Variants in OCA2 observed in about 807,000 individuals in gnomAD.
OCA2 encodes the protein OCA2 melanosomal transmembrane protein, also known as P protein.
Under a neutral mutation model 100.2 loss-of-function variants are expected in OCA2, and 77 were observed. The observed-to-expected ratio is 0.77, with a 90% CI of 0.64 to 0.93. The LOEUF is 0.93. Ranked by LOEUF, OCA2 falls within the 40% of genes least tolerant of loss-of-function variation. OCA2 has a pLI of 0.00. For missense variants in OCA2, 1,062 were observed against 1,089.1 expected, an observed-to-expected ratio of 0.98 and a Z score of 0.35; for synonymous variants, 432 against 439.2, an observed-to-expected ratio of 0.98 and a Z score of 0.21.
chr15:27,952,126 C>G (rs931696517), intron 17 of OCA2, among the ~76,000 whole-genome samples: 1 of 152,180 alleles, frequency 6.6e-6, no homozygotes, highest in African/African-American at 2.4e-5. Flanking sequence ...GTAGCACAGC[C>G]CTGTTATGAA....
intron 14 of OCA2, among the ~76,000 whole-genome samples, chr15:27,973,811 A>G (rs1010216606): frequency 2.6e-5 from 4 of 152,244 alleles, no homozygotes; most frequent in African/African-American, 9.6e-5. Context: ...CTTCCAATCC[A>G]TAAGTATGGG....
At chr15:27,863,147 T>A (rs1455868547) in intron 21 of OCA2, among the ~76,000 whole-genome samples, 1 of 151,770 alleles carries the variant, frequency 6.6e-6, no homozygotes, top group African/African-American at 2.4e-5. Context: ...GGGGCAGAGG[T>A]GACCTAGGCA....
chr15:27,814,676 G>A (rs996131246), intron 23 of OCA2, among the ~76,000 whole-genome samples: 1 of 152,124 alleles, frequency 6.6e-6, no homozygotes, highest in African/African-American at 2.4e-5. Flanking sequence ...TCAGGAGCTC[G>A]AGACCAGCCT....
At chr15:28,000,654 A>T (rs2041897689) in intron 9 of OCA2, among the ~76,000 whole-genome samples, 1 of 152,224 alleles carries the variant, frequency 6.6e-6, no homozygotes, top group African/African-American at 2.4e-5. Context: ...AGCAAAGGAA[A>T]CAAACAACAA....
At chr15:27,775,982 A>T (rs1459321924) in intron 23 of OCA2, among the ~76,000 whole-genome samples, 1 of 152,218 alleles carries the variant, frequency 6.6e-6, no homozygotes, top group Non-Finnish European at 1.5e-5. Context: ...GTCCAGCACC[A>T]AAGTTTTGCC....
chr15:27,800,719 C>T (rs771701521), intron 23 of OCA2, among the ~76,000 whole-genome samples: 4 of 151,664 alleles, frequency 2.6e-5, no homozygotes, highest in Admixed American at 6.6e-5. Context: ...AATCTCAGCA[C>T]TTTGGGAGGC....
intron 3 of OCA2, 61 bp from the exon 4 acceptor site, chr15:28,028,120 T>C: frequency 3.2e-6 from 5 of 1,578,146 alleles, no homozygotes; most frequent in Non-Finnish European, 4.4e-6. Flanking sequence ...AAAGCAAGCT[T>C]TCCTCTGAGT....
intron 15 of OCA2, 150 bp downstream of exon 15, chr15:27,966,540 G>T: frequency 1.2e-6 from 1 of 805,548 alleles, no homozygotes; most frequent in Non-Finnish European, 2.1e-6. Context: ...CCTGAAAACA[G>T]TGTATACTAG....
the OCA2 span, among the ~76,000 whole-genome samples, chr15:27,725,892 C>T: frequency 3.3e-5 from 5 of 152,068 alleles, no homozygotes; most frequent in Non-Finnish European, 7.3e-5. Context: ...AAGCTGGGTG[C>T]GTGGAATGCA....
chr15:27,719,325 C>T, the OCA2 span, among the ~76,000 whole-genome samples: 2 of 152,200 alleles, frequency 1.3e-5, no homozygotes, highest in African/African-American at 4.8e-5. Context: ...CTCTCTCTCT[C>T]TTCCTAAAAG....
chr15:27,788,317 G>C (rs2032917283), intron 23 of OCA2, among the ~76,000 whole-genome samples: 1 of 151,968 alleles, frequency 6.6e-6, no homozygotes, highest in South Asian at 2.1e-4. Context: ...ATTAAGAAGA[G>C]GTTATTAAAG....
Position 27,824,578 on chromosome 15 carries a change from T to TTCTCTCTCTCTCTCTCTCTCTC in OCA2, c.2432+20359_2432+20380dup, listed in dbSNP as rs368293640. Among the ~76,000 whole-genome samples the TTCTCTCTCTCTCTCTCTCTCTC allele has an allele frequency of 2.8e-3, 152 of 53,544 alleles. 15 individuals are homozygous for TTCTCTCTCTCTCTCTCTCTCTC. In the East Asian group the frequency reaches 0.03, roughly 11 times the overall value. The allele number at this position is 53,544 out of a possible 152,430, so 35.1% of individuals were successfully genotyped here. A position where few individuals can be genotyped will look rare whatever the true frequency, so the allele number is the denominator to read the frequency against. ...CTAATTTCTTTTGAATAAATACAATTTCTCTCTCTCTCTCTCTCTCTCTCT... is the reference window on the plus strand; with the variant it reads ...CTAATTTCTTTTGAATAAATACAATTTCTCTCTCTCTCTCTCTCTCTCTCTCTCTCTCTCTCTCTCTCTCTCT... On this transcript the variant is annotated intron_variant, in intron 23 of 23. Transcript: ENST00000354638.
chr15:27,937,915 G>C (rs1276823600), intron 18 of OCA2, among the ~76,000 whole-genome samples: 1 of 152,104 alleles, frequency 6.6e-6, no homozygotes, highest in Admixed American at 6.5e-5. Flanking sequence ...CTAATTTTAA[G>C]ATAGTCAAAG....
At chr15:27,886,843 A>C (rs2037241959) in intron 19 of OCA2, among the ~76,000 whole-genome samples, 1 of 152,212 alleles carries the variant, frequency 6.6e-6, no homozygotes, top group Non-Finnish European at 1.5e-5. Flanking sequence ...AGAGGCAACT[A>C]AAGGAGAATT....
intron 2 of OCA2, among the ~76,000 whole-genome samples, chr15:28,035,305 A>T (rs1354311209): frequency 2.6e-5 from 4 of 152,186 alleles, no homozygotes; most frequent in Non-Finnish European, 5.9e-5. Context: ...AATGAGTTTC[A>T]CCAGGCAATT....
intron 5 of OCA2, among the ~76,000 whole-genome samples, chr15:28,024,469 T>C (rs917323402): frequency 6.6e-6 from 1 of 152,222 alleles, no homozygotes. Context: ...TGAGACACTC[T>C]GGGCTATCCA....
At chr15:27,860,221 G>A (rs750512180) in intron 21 of OCA2, among the ~76,000 whole-genome samples, 1 of 152,326 alleles carries the variant, frequency 6.6e-6, no homozygotes, top group East Asian at 1.9e-4. Flanking sequence ...AATAAAAGGT[G>A]AAGGAGCAAG....
chr15:27,789,035 A>G (rs1446669349), intron 23 of OCA2, among the ~76,000 whole-genome samples: 2 of 152,072 alleles, frequency 1.3e-5, no homozygotes, highest in Non-Finnish European at 2.9e-5. Flanking sequence ...TTTAATATAT[A>G]TTACATCTCT....
At chr15:28,027,269 C>T (rs1407077685) in intron 4 of OCA2, among the ~76,000 whole-genome samples, 5 of 152,158 alleles carry the variant, frequency 3.3e-5, no homozygotes, top group African/African-American at 9.7e-5. Flanking sequence ...CCTACGCATG[C>T]GCATCCCCTC....
Sources: gnomAD v4.1 joint callset for allele counts (sites outside exome capture counted in the v4.1 genomes callset) on GRCh38, gnomAD v4.1.1 for gene constraint, MANE v1.5 for transcripts, NCBI Gene and HGNC (gene_info 2026-07-23, HGNC 2026-07-21) for gene names.